Variants in MYO9B observed in about 807,000 individuals in gnomAD.
MYO9B encodes the protein myosin IXB.
A neutral mutation model predicts 229.5 loss-of-function variants in MYO9B; 71 were observed. The observed-to-expected ratio is 0.31, with a 90% confidence interval of 0.26 to 0.38. The LOEUF (loss-of-function observed/expected upper bound fraction) is 0.38. Ranked by LOEUF, MYO9B falls within the 10% of genes least tolerant of loss-of-function variation. The probability of loss-of-function intolerance (pLI) is 1.00; values close to 1 mark genes in which losing one functional copy is unlikely to be tolerated. For synonymous variants in MYO9B, 1,185 were observed against 1,235.8 expected, an observed-to-expected ratio of 0.96 and a Z score of 0.86; for missense variants, 2,255 against 2,920.5, an observed-to-expected ratio of 0.77 and a Z score of 5.25.
chr19:17,202,403 C>A (rs62126164), intron 28 of MYO9B, 100 bp downstream of exon 28: 2 of 1,195,530 alleles, frequency 1.7e-6, no homozygotes, highest in Non-Finnish European at 2.3e-6. Context: ...ATGCTTATGC[C>A]ACACCCACCC....
chr19:17,102,631 T>C, intron 2 of MYO9B, 74 bp downstream of exon 2: 1 of 1,464,524 alleles, frequency 6.8e-7, no homozygotes, highest in South Asian at 1.4e-5. Flanking sequence ...CCAAGCTCGG[T>C]GGCCCACATC....
At position 17,194,863 on chromosome 19, in the gene MYO9B, G is replaced by A. The variant is rs746941913; in HGVS notation, c.3436G>A (p.Glu1146Lys). ...ESHEKVPSSR[E>K]KRESRRQRGL... Reference sequence around the variant, plus strand: ...TCACGAGAAAGTCCCCAGCAGCCGGGAGAAGCGTGAGTCGCGTCGGCAAAG... The same window carrying A: ...TCACGAGAAAGTCCCCAGCAGCCGGAAGAAGCGTGAGTCGCGTCGGCAAAG... The change falls in exon 22 of 40, where the codon GAG (glutamate) becomes AAG (lysine). Residue 1146 changes from glutamate (E) to lysine (K), a missense_variant. Coordinates refer to ENST00000682292, the MANE Select transcript of MYO9B (RefSeq NM_004145.4). 7 of 1,613,212 alleles carry A rather than the reference G, an allele frequency of 4.3e-6. No individual in the cohort carries two copies. Among genetic ancestry groups the A allele is most frequent in the African/African-American group, 4.0e-5 (3 of 74,932 alleles).
At chr19:17,078,254 A>G (rs551171593) in intron 1 of MYO9B, among the ~76,000 whole-genome samples, 3 of 152,334 alleles carry the variant, frequency 2.0e-5, no homozygotes, top group East Asian at 1.9e-4. Context: ...TTCAGAAAGA[A>G]TGGAGTTCAA....
chr19:17,165,144 C>T, intron 10 of MYO9B, among the ~76,000 whole-genome samples: 1 of 152,056 alleles, frequency 6.6e-6, no homozygotes, highest in East Asian at 1.9e-4. Flanking sequence ...ATTTTTATGT[C>T]AGTTACACAT....
chr19:17,124,981 C>T (rs2058001759), intron 2 of MYO9B, among the ~76,000 whole-genome samples: 1 of 151,870 alleles, frequency 6.6e-6, no homozygotes, highest in South Asian at 2.1e-4. Context: ...AAGTAACCCC[C>T]AAAGAGAATG....
chr19:17,152,743 C>A (rs371216127), intron 4 of MYO9B, 37 bp downstream of exon 4: 1 of 1,552,744 alleles, frequency 6.4e-7, no homozygotes, highest in African/African-American at 1.4e-5. Context: ...CTGAATGCCA[C>A]GCCATGTCTA....
Position 17,200,834 on chromosome 19 carries a change from G to T in MYO9B, c.4563+5G>T. On this transcript the variant is annotated splice_donor_5th_base_variant and intron_variant, in intron 26 of 39. Coordinates refer to ENST00000682292, the MANE Select transcript of MYO9B (RefSeq NM_004145.4). ...GACGAGTTCCTGCTCAACAAGGTGG[G>T]ATCACTAGGCGAGGGCCAGGGGCAT... 1 of 1,612,794 alleles carries T rather than the reference G, an allele frequency of 6.2e-7. No individual in the cohort carries two copies. The highest frequency in any genetic ancestry group is 8.5e-7 in the Non-Finnish European group (1 of 1,178,832).
In MYO9B at chr19:17,195,363, G is replaced by T. The variant is rs2073031460; in HGVS notation, c.3936G>T (p.Leu1312=). The T allele has an allele frequency of 6.2e-7, 1 of 1,611,566 alleles. No homozygotes were observed. The highest frequency in any genetic ancestry group is 2.2e-5 in the East Asian group (1 of 44,878). Reference sequence around the variant, plus strand: ...AGCGGCTGGCCAGCGCCGTGGAACTGTGGCGGGGCAAGAAGCTGGTGGCCG... The same window carrying T: ...AGCGGCTGGCCAGCGCCGTGGAACTTTGGCGGGGCAAGAAGCTGGTGGCCG... The part of the protein sequence containing the change: ...DAERLASAVE[L]WRGKKLVAAA... The change falls in exon 22 of 40, where the codon CTG becomes CTT. Residue 1312 remains leucine (L), a synonymous_variant. Transcript: ENST00000682292. The surrounding 1 kb of genome is among the most constrained non-coding windows in gnomAD (Gnocchi z 4.5).
At chr19:17,080,265 T>C (rs373542863) in intron 1 of MYO9B, among the ~76,000 whole-genome samples, 1 of 152,208 alleles carries the variant, frequency 6.6e-6, no homozygotes, top group Non-Finnish European at 1.5e-5. Context: ...TTGCTAGGGC[T>C]GCTGTAACAG....
intron 14 of MYO9B, among the ~76,000 whole-genome samples, chr19:17,176,785 TCA>T (rs1357515262): frequency 1.3e-5 from 2 of 152,184 alleles, no homozygotes; most frequent in Non-Finnish European, 2.9e-5. Context: ...GTTACTTCAT[TCA>T]CAGTCAGAAA....
chr19:17,132,906 G>A (rs2145180651), intron 2 of MYO9B, among the ~76,000 whole-genome samples: 1 of 148,784 alleles, frequency 6.7e-6, no homozygotes, highest in Middle Eastern at 3.6e-3. Context: ...GGAGTGCAGT[G>A]GCATGATCTC....
At chr19:17,142,701 T>C (rs998266889) in intron 2 of MYO9B, among the ~76,000 whole-genome samples, 7 of 152,136 alleles carry the variant, frequency 4.6e-5, no homozygotes, top group Non-Finnish European at 5.9e-5. Flanking sequence ...TAAAACTTCA[T>C]TGATGGACGC....
chr19:17,177,017 A>G (rs1267770044), intron 14 of MYO9B, among the ~76,000 whole-genome samples: 3 of 152,088 alleles, frequency 2.0e-5, no homozygotes, highest in African/African-American at 7.2e-5. Context: ...CCTGGCCAAC[A>G]TGGTGAAACC....
rs557371311 is a variant in MYO9B, at chr19:17,197,865, A to C, written c.4113+7A>C. ...GTCCCTGGCCAAGGCTCAGGTAACA[A>C]CAACACGGCAAAACCCCGTCTCCAC... is the stretch of plus-strand genomic sequence containing the variant. On this transcript the variant is annotated splice_region_variant and intron_variant, in intron 23 of 39. Coordinates refer to ENST00000682292, the MANE Select transcript of MYO9B (RefSeq NM_004145.4). The C allele has an allele frequency of 1.9e-6, 3 of 1,612,664 alleles. No homozygotes were observed. The South Asian group carries it at 3.3e-5, about 18-fold the overall frequency.
intron 1 of MYO9B, among the ~76,000 whole-genome samples, chr19:17,087,638 TGAA>T (rs1256126644): frequency 6.6e-6 from 1 of 151,962 alleles, no homozygotes; most frequent in Non-Finnish European, 1.5e-5. Flanking sequence ...AAGTCTGAAA[TGAA>T]GGTGTTGGCC....
At chr19:17,118,044 C>G (rs1225181624) in intron 2 of MYO9B, among the ~76,000 whole-genome samples, 1 of 151,380 alleles carries the variant, frequency 6.6e-6, no homozygotes, top group East Asian at 1.9e-4. Context: ...TGATGTTTGG[C>G]AACTGCTGGA....
intron 6 of MYO9B, among the ~76,000 whole-genome samples, chr19:17,154,653 T>G (rs1003921059): frequency 6.6e-6 from 1 of 152,128 alleles, no homozygotes; most frequent in Admixed American, 6.6e-5. Context: ...CACTGCTGAA[T>G]TGTACCCTTA....
At chr19:17,127,965 C>T (rs1009892655) in intron 2 of MYO9B, among the ~76,000 whole-genome samples, 1 of 152,222 alleles carries the variant, frequency 6.6e-6, no homozygotes, top group African/African-American at 2.4e-5. Context: ...GGAGAGAAAT[C>T]TGAAATCCAA....
Position 17,104,257 on chromosome 19 carries a change from C to T in MYO9B, c.840+1700C>T, listed in dbSNP as rs138073764. 8.0e-3 allele frequency among the ~76,000 whole-genome samples: 1,211 copies of T among 152,056 alleles called. 11 individuals are homozygous for T. Among genetic ancestry groups the T allele is most frequent in the Non-Finnish European group, 0.011 (758 of 67,972 alleles). ...GCAGGCCTGGGGGTTAAGGGGATGGCGAAGCATTGTCGGGGAGGGGGCTGC... is the reference window on the plus strand; with the variant it reads ...GCAGGCCTGGGGGTTAAGGGGATGGTGAAGCATTGTCGGGGAGGGGGCTGC... On this transcript the variant is annotated intron_variant, in intron 2 of 39. Coordinates refer to ENST00000682292, the MANE Select transcript of MYO9B (RefSeq NM_004145.4).
Sources: allele counts gnomAD v4.1 joint callset (sites outside exome capture counted in the v4.1 genomes callset), GRCh38; gene constraint gnomAD v4.1.1; non-coding constraint Gnocchi (gnomAD v3.1); transcripts MANE v1.5; gene names NCBI Gene and HGNC (gene_info 2026-07-23, HGNC 2026-07-21).